SDK1: variants seen among roughly 807,000 people sequenced by gnomAD.
SDK1 encodes protein sidekick-1.
SDK1 carries 157 observed loss-of-function variants against 245.5 expected under a neutral mutation model. The ratio of observed to expected loss-of-function variants is 0.64; its 90% CI spans 0.56 to 0.73. SDK1 has a LOEUF of 0.73. SDK1 is among the 30% of genes least tolerant of loss of function. SDK1 has a pLI of 0.00. For synonymous variants in SDK1, 1,647 were observed against 1,278.5 expected (o/e 1.29, Z -6.15); for missense variants, 3,583 against 3,002.3 (o/e 1.19, Z -4.52).
chr7:3,679,641 A>G (rs923598893), intron 4 of SDK1, among the ~76,000 whole-genome samples: 22 of 152,246 alleles, frequency 1.4e-4, no homozygotes, highest in African/African-American at 5.3e-4. Flanking sequence ...TCAAACAGGT[A>G]TATGAAAATA....
At chr7:3,923,412 A>G (rs1299581318) in intron 5 of SDK1, among the ~76,000 whole-genome samples, 1 of 152,168 alleles carries the variant, frequency 6.6e-6, no homozygotes, top group Non-Finnish European at 1.5e-5. Context: ...GGGCTAAAGG[A>G]ATTCCTTTCC....
intron 4 of SDK1, among the ~76,000 whole-genome samples, chr7:3,703,059 T>TC (rs1157068765): frequency 2.2e-5 from 2 of 89,502 alleles, no homozygotes; most frequent in Non-Finnish European, 4.1e-5. Flanking sequence ...AGACTCTGTC[T>TC]CAAAAAAAAA....
At chr7:3,375,696 G>A (rs1039142947) in intron 1 of SDK1, among the ~76,000 whole-genome samples, 7 of 152,290 alleles carry the variant, frequency 4.6e-5, no homozygotes, top group African/African-American at 9.6e-5. Context: ...TTGGTCAACC[G>A]CCACCATCAA....
At chr7:3,940,914 C>T (rs551502205) in intron 5 of SDK1, among the ~76,000 whole-genome samples, 34 of 152,096 alleles carry the variant, frequency 2.2e-4, no homozygotes, top group Admixed American at 5.9e-4. Context: ...GGAGTGGCCT[C>T]TTGATCTCCT....
At chr7:3,728,328 C>G (rs1049512147) in intron 4 of SDK1, among the ~76,000 whole-genome samples, 2 of 152,234 alleles carry the variant, frequency 1.3e-5, no homozygotes, top group Non-Finnish European at 2.9e-5. Flanking sequence ...GGTATCTTCT[C>G]TTAAATCTGA....
chr7:3,570,495 C>T (rs1194945510), intron 1 of SDK1, among the ~76,000 whole-genome samples: 1 of 152,116 alleles, frequency 6.6e-6, no homozygotes, highest in African/African-American at 2.4e-5. Context: ...GGATCCCTGC[C>T]TTAACTAAGG....
intron 4 of SDK1, among the ~76,000 whole-genome samples, chr7:3,798,507 G>A (rs1019326891): frequency 2.6e-5 from 4 of 152,082 alleles, no homozygotes; most frequent in African/African-American, 2.4e-5. Flanking sequence ...GTGAACCACT[G>A]CACCCAGCCA....
At chr7:4,060,823 G>A (rs897396593) in intron 19 of SDK1, among the ~76,000 whole-genome samples, 10 of 152,196 alleles carry the variant, frequency 6.6e-5, no homozygotes, top group Middle Eastern at 6.8e-3. Context: ...TTTGTATAAG[G>A]TGTAAGGAGG....
intron 10 of SDK1, among the ~76,000 whole-genome samples, chr7:3,968,847 A>G (rs1198428646): frequency 3.3e-5 from 5 of 152,218 alleles, no homozygotes; most frequent in Non-Finnish European, 2.9e-5. Flanking sequence ...ACTGATATAA[A>G]CACATACCTG....
In SDK1 at chr7:3,570,424, C is replaced by T. The variant is rs141063055; in HGVS notation, c.299-48656C>T. Among the ~76,000 whole-genome samples, 575 of 152,266 alleles carry T rather than the reference C, an allele frequency of 3.8e-3. 7 individuals carry two copies. Among genetic ancestry groups the T allele is most frequent in the African/African-American group, 0.013 (524 of 41,538 alleles). On this transcript the variant is annotated intron_variant, in intron 1 of 44. Transcript: ENST00000404826. ...TGCTTGCTTGCCCACTGCTCACCTC[C>T]TGCTGTGCAGCTGGTTCCTAACAGG...
intron 14 of SDK1, among the ~76,000 whole-genome samples, chr7:3,997,744 C>T (rs898298628): frequency 1.1e-4 from 16 of 152,144 alleles, no homozygotes; most frequent in African/African-American, 3.9e-4. Context: ...CCACTCCAGC[C>T]AGGGGGACTG....
intron 1 of SDK1, among the ~76,000 whole-genome samples, chr7:3,610,094 T>G (rs1583223828): frequency 6.6e-6 from 1 of 152,358 alleles, no homozygotes; most frequent in South Asian, 2.1e-4. Context: ...GGTTTGTAAC[T>G]TTGCTAAAAT....
At chr7:4,150,326 G>A (rs1244033580) in intron 30 of SDK1, among the ~76,000 whole-genome samples, 1 of 152,192 alleles carries the variant, frequency 6.6e-6, no homozygotes, top group African/African-American at 2.4e-5. Context: ...ACTCCAGGCT[G>A]TGGAGCGGGG....
At chr7:3,713,196 G>C (rs1031605213) in intron 4 of SDK1, among the ~76,000 whole-genome samples, 2 of 152,206 alleles carry the variant, frequency 1.3e-5, no homozygotes, top group Non-Finnish European at 2.9e-5. Context: ...GCTGCTCAGC[G>C]AATTGATGGA....
intron 4 of SDK1, among the ~76,000 whole-genome samples, chr7:3,656,188 C>G (rs1783178682): frequency 6.6e-6 from 1 of 152,044 alleles, no homozygotes; most frequent in Non-Finnish European, 1.5e-5. Flanking sequence ...GTAGATATGC[C>G]CCCTCCATCC....
intron 1 of SDK1, among the ~76,000 whole-genome samples, chr7:3,418,542 T>G (rs1779444662): frequency 6.6e-6 from 1 of 152,174 alleles, no homozygotes; most frequent in African/African-American, 2.4e-5. Flanking sequence ...AAAAGTATTC[T>G]TTAATCTCTC....
chr7:4,236,701 T>C (rs1786188951), intron 41 of SDK1, among the ~76,000 whole-genome samples: 1 of 152,044 alleles, frequency 6.6e-6, no homozygotes, highest in African/African-American at 2.4e-5. Flanking sequence ...GGAAGACCTC[T>C]CTTGGGTGAT....
chr7:4,077,542 G>A (rs1780773373), intron 21 of SDK1, among the ~76,000 whole-genome samples: 1 of 152,176 alleles, frequency 6.6e-6, no homozygotes, highest in Non-Finnish European at 1.5e-5. Flanking sequence ...TCATGCTGCT[G>A]ATAAAGACAT....
chr7:4,196,138 A>G (rs1169598883), intron 35 of SDK1, among the ~76,000 whole-genome samples: 6 of 152,164 alleles, frequency 3.9e-5, no homozygotes, highest in Non-Finnish European at 7.4e-5. Context: ...GTTTGAATCT[A>G]GCTCATTATG....
Sources: gnomAD v4.1 joint callset for allele counts (sites outside exome capture counted in the v4.1 genomes callset) on GRCh38, gnomAD v4.1.1 for gene constraint, MANE v1.5 for transcripts, NCBI Gene and HGNC (gene_info 2026-07-23, HGNC 2026-07-21) for gene names.